Variants in XXYLT1 observed in about 807,000 individuals in gnomAD.
XXYLT1 encodes the protein xyloside xylosyltransferase 1.
A neutral mutation model predicts 28.9 loss-of-function variants in XXYLT1; 20 were observed. The ratio of observed to expected loss-of-function variants is 0.69; its 90% CI spans 0.49 to 1.00. The LOEUF (loss-of-function observed/expected upper bound fraction) is 1.00, where lower values mean the gene tolerates loss of function less well. Ranked by LOEUF, XXYLT1 falls within the 50% of genes least tolerant of loss-of-function variation. The pLI is 0.00. For missense variants in XXYLT1, 542 were observed against 560.1 expected (o/e 0.97, Z 0.33); for synonymous variants, 257 against 253.8 (o/e 1.01, Z -0.12).
chr3:195,146,575 G>A (rs992577523), intron 3 of XXYLT1, among the ~76,000 whole-genome samples: 5 of 152,212 alleles, frequency 3.3e-5, no homozygotes, highest in Non-Finnish European at 7.3e-5. Flanking sequence ...ACAGAGTTTG[G>A]TCTATCCCAA....
intron 3 of XXYLT1, among the ~76,000 whole-genome samples, chr3:195,154,291 G>A (rs1363295217): frequency 2.0e-5 from 3 of 152,198 alleles, no homozygotes; most frequent in African/African-American, 7.2e-5. Context: ...GATTTCAGGA[G>A]TTGGGCACGT....
intron 2 of XXYLT1, among the ~76,000 whole-genome samples, chr3:195,202,842 T>C (rs1481701310): frequency 6.6e-6 from 1 of 152,238 alleles, no homozygotes; most frequent in Non-Finnish European, 1.5e-5. Context: ...GAGTAGTTCA[T>C]TTCTCTGTTA....
In XXYLT1 at chr3:195,069,487, C is replaced by T. The variant is rs1248806689; in HGVS notation, c.*228G>A. ...CACTGGACATGCGTGTCCTTTGTGT[C>T]GCCTGCTCCCTGGAGGAATAAGGTC... is the stretch of plus-strand genomic sequence containing the variant. On this transcript the variant is annotated 3_prime_UTR_variant, in exon 4 of 4. Transcript: ENST00000310380. 2 of 575,990 alleles carry T rather than the reference C, an allele frequency of 3.5e-6. No homozygotes were observed. The highest frequency in any genetic ancestry group is 2.9e-5 in the East Asian group (1 of 34,324). 35.7% of individuals were successfully genotyped at this position (575,990 alleles called of 1,614,324 possible).
intron 2 of XXYLT1, among the ~76,000 whole-genome samples, chr3:195,207,161 C>A (rs748954881): frequency 1.3e-5 from 2 of 152,292 alleles, no homozygotes; most frequent in Non-Finnish European, 2.9e-5. Flanking sequence ...GGATGGCTCG[C>A]GGGTCTGAGG....
chr3:195,244,855 A>AAAAAAAAAC (rs1724944485), intron 1 of XXYLT1, among the ~76,000 whole-genome samples: 1 of 148,726 alleles, frequency 6.7e-6, no homozygotes, highest in Admixed American at 6.8e-5. Flanking sequence ...TGTCTCAAAA[A>AAAAAAAAAC]AAAAAAAAAC....
At chr3:195,110,212 G>A (rs1577038402) in intron 3 of XXYLT1, among the ~76,000 whole-genome samples, 6 of 7,470 alleles carry the variant, frequency 8.0e-4, no homozygotes, top group African/African-American at 1.3e-3. Context: ...TGTGGTGTGT[G>A]CGTGTGTGGT....
chr3:195,083,968 G>A (rs953344384), intron 3 of XXYLT1, among the ~76,000 whole-genome samples: 1 of 152,088 alleles, frequency 6.6e-6, no homozygotes, highest in Non-Finnish European at 1.5e-5. Context: ...AGAGGTTGCA[G>A]CGAGCCGAGA....
chr3:195,177,832 G>A (rs78656569), intron 2 of XXYLT1, among the ~76,000 whole-genome samples: 2 of 151,896 alleles, frequency 1.3e-5, no homozygotes, highest in Non-Finnish European at 2.9e-5. Flanking sequence ...CTACTCAGGA[G>A]GCTGAAGTGG....
At position 195,243,940 on chromosome 3, in the gene XXYLT1, A is replaced by G. The variant is rs551978765; in HGVS notation, c.505-17084T>C. ...AAAGCAGCCTGCCCAGCTAATTTCT[A>G]AAGCCATGTCCAATATCCATTCTCA... On this transcript the variant is annotated intron_variant, in intron 1 of 3. Transcript: ENST00000310380. 2.6e-5 allele frequency among the ~76,000 whole-genome samples: 4 copies of G among 152,324 alleles called. No individual in the cohort carries two copies. In the South Asian group the frequency reaches 8.3e-4, roughly 32 times the overall value.
intron 2 of XXYLT1, among the ~76,000 whole-genome samples, chr3:195,192,740 A>G (rs1722477547): frequency 6.6e-6 from 1 of 152,216 alleles, no homozygotes; most frequent in South Asian, 2.1e-4. Context: ...TTTCTATTCT[A>G]CACTGTCCTA....
intron 1 of XXYLT1, among the ~76,000 whole-genome samples, chr3:195,267,442 T>C (rs1019457914): frequency 6.6e-6 from 1 of 152,240 alleles, no homozygotes; most frequent in African/African-American, 2.4e-5. Flanking sequence ...CCAGAAAGCC[T>C]TGGGCGAGTT....
At chr3:195,161,325 T>A (rs1232544778) in intron 2 of XXYLT1, among the ~76,000 whole-genome samples, 1 of 152,202 alleles carries the variant, frequency 6.6e-6, no homozygotes, top group Non-Finnish European at 1.5e-5. Context: ...CCACGACACA[T>A]TTCTGAGAAA....
intron 1 of XXYLT1, among the ~76,000 whole-genome samples, chr3:195,244,413 T>C (rs1423140166): frequency 1.3e-5 from 2 of 152,174 alleles, no homozygotes; most frequent in African/African-American, 2.4e-5. Flanking sequence ...TCCAGGGTAC[T>C]GAGCACAGAG....
intron 2 of XXYLT1, among the ~76,000 whole-genome samples, chr3:195,178,605 G>T (rs1192269894): frequency 6.6e-6 from 1 of 152,184 alleles, no homozygotes; most frequent in Non-Finnish European, 1.5e-5. Flanking sequence ...CACGCAGGGA[G>T]CTGAGAATAG....
At chr3:195,258,253 G>A (rs1050762353) in intron 1 of XXYLT1, among the ~76,000 whole-genome samples, 15 of 152,176 alleles carry the variant, frequency 9.9e-5, no homozygotes, top group African/African-American at 3.6e-4. Flanking sequence ...GGGATAGTGT[G>A]GCAGCCAGGC....
At position 195,195,088 on chromosome 3, in the gene XXYLT1, T is replaced by A. The variant is rs571076175; in HGVS notation, c.652+31621A>T. Among the ~76,000 whole-genome samples the A allele has an allele frequency of 7.2e-5, 11 of 152,130 alleles. No homozygotes were observed. Among genetic ancestry groups the A allele is most frequent in the Admixed American group, 3.3e-4 (5 of 15,278 alleles). On this transcript the variant is annotated intron_variant, in intron 2 of 3. Coordinates refer to ENST00000310380, the MANE Select transcript of XXYLT1 (RefSeq NM_152531.5). This position sits in a 1 kb window ranked among gnomAD's most constrained non-coding sequence, Gnocchi z 4.4. ...CCTCAACAAAGCTGGGTTTTTTTTT[T>A]AAAAGGACAATGTACATAAAAATTC...
intron 2 of XXYLT1, among the ~76,000 whole-genome samples, chr3:195,178,661 C>T (rs1158153992): frequency 6.6e-6 from 1 of 152,184 alleles, no homozygotes; most frequent in African/African-American, 2.4e-5. Flanking sequence ...TCCCAGTGCC[C>T]AGCTCTGAAG....
chr3:195,103,749 T>G (rs1317628726), intron 3 of XXYLT1, among the ~76,000 whole-genome samples: 1 of 151,974 alleles, frequency 6.6e-6, no homozygotes, highest in Non-Finnish European at 1.5e-5. Context: ...GAAAAAAAAA[T>G]TAGAGAAACA....
At chr3:195,155,772 G>C (rs931141024) in intron 3 of XXYLT1, among the ~76,000 whole-genome samples, 1 of 151,908 alleles carries the variant, frequency 6.6e-6, no homozygotes, top group African/African-American at 2.4e-5. Context: ...CGCTCTCGTC[G>C]CATGGAGCCG....
Sources: gnomAD v4.1 joint callset for allele counts (sites outside exome capture counted in the v4.1 genomes callset) on GRCh38, gnomAD v4.1.1 for gene constraint, Gnocchi (gnomAD v3.1) non-coding constraint, MANE v1.5 for transcripts, NCBI Gene and HGNC (gene_info 2026-07-23, HGNC 2026-07-21) for gene names.